EPHA5: variants seen among roughly 807,000 people sequenced by gnomAD.
EPHA5 encodes the protein EPH receptor A5.
A neutral mutation model predicts 105.0 loss-of-function variants in EPHA5; 60 were observed. The observed-to-expected ratio is 0.57, with a 90% CI of 0.46 to 0.71. The LOEUF (loss-of-function observed/expected upper bound fraction) is 0.71. Ranked by LOEUF, EPHA5 falls within the 30% of genes least tolerant of loss-of-function variation. The probability of loss-of-function intolerance (pLI) is 0.00; values close to 1 mark genes in which losing one functional copy is unlikely to be tolerated. For synonymous variants in EPHA5, 513 were observed against 449.1 expected, an observed-to-expected ratio of 1.14 and a Z score of -1.80; for missense variants, 1,218 against 1,274.7, an observed-to-expected ratio of 0.96 and a Z score of 0.68.
At chr4:65,618,958 C>T (rs1248261902) in intron 2 of EPHA5, among the ~76,000 whole-genome samples, 2 of 152,078 alleles carry the variant, frequency 1.3e-5, no homozygotes, top group Non-Finnish European at 2.9e-5. Flanking sequence ...AGTTTGAGAC[C>T]AGCCTGGCCA....
At chr4:65,539,340 G>T (rs1736599769) in intron 3 of EPHA5, among the ~76,000 whole-genome samples, 1 of 148,708 alleles carries the variant, frequency 6.7e-6, no homozygotes, top group South Asian at 2.2e-4. Flanking sequence ...AGGAGGAAGA[G>T]AAAAAGAAGT....
intron 1 of EPHA5, among the ~76,000 whole-genome samples, chr4:65,663,540 T>C (rs184865652): frequency 1.1e-3 from 168 of 152,160 alleles, no homozygotes; most frequent in African/African-American, 3.7e-3. Flanking sequence ...TTCTTATGTA[T>C]CTTATAGCAC....
chr4:65,377,101 ATCCCAC>A (rs775206753), intron 8 of EPHA5: 1 of 1,586,446 alleles, frequency 6.3e-7, no homozygotes, highest in South Asian at 1.1e-5. Flanking sequence ...TAAGGAAGAG[ATCCCAC>A]TCCCTCAAAT....
At chr4:65,600,031 T>C (rs968687094) in intron 3 of EPHA5, among the ~76,000 whole-genome samples, 15 of 152,174 alleles carry the variant, frequency 9.9e-5, no homozygotes, top group Non-Finnish European at 1.6e-4. Flanking sequence ...TCTAAAATGA[T>C]AGAAACAAAC....
intron 13 of EPHA5, among the ~76,000 whole-genome samples, chr4:65,348,799 A>G (rs373629307): frequency 2.2e-3 from 104 of 47,784 alleles, no homozygotes; most frequent in Non-Finnish European, 3.5e-3. Context: ...GTGTGTATAT[A>G]TATATATATA....
chr4:65,373,005 T>C (rs1175482108), intron 8 of EPHA5, among the ~76,000 whole-genome samples: 1 of 151,908 alleles, frequency 6.6e-6, no homozygotes, highest in Non-Finnish European at 1.5e-5. Flanking sequence ...TTGACAGAAT[T>C]TTGATATAAC....
intron 14 of EPHA5, among the ~76,000 whole-genome samples, chr4:65,343,006 A>G (rs1721879789): frequency 6.6e-6 from 1 of 152,104 alleles, no homozygotes; most frequent in African/African-American, 2.4e-5. Flanking sequence ...AATCCTTCCA[A>G]TATAAGAAGA....
At chr4:65,554,496 T>C (rs779611540) in intron 3 of EPHA5, among the ~76,000 whole-genome samples, 1 of 151,182 alleles carries the variant, frequency 6.6e-6, no homozygotes, top group Admixed American at 6.6e-5. Context: ...AAGACAGTAA[T>C]TGACTAAAAT....
intron 3 of EPHA5, among the ~76,000 whole-genome samples, chr4:65,574,679 CATATATATACATATATATACATATATAT>C (rs1740661498): frequency 2.1e-4 from 13 of 61,098 alleles, no homozygotes; most frequent in South Asian, 5.5e-4. Flanking sequence ...CATATATATA[CATATATATACATATATATACATATATAT>C]ACATATATAT....
At chr4:65,513,537 C>T (rs1733826299) in intron 3 of EPHA5, among the ~76,000 whole-genome samples, 1 of 152,082 alleles carries the variant, frequency 6.6e-6, no homozygotes, top group Admixed American at 6.6e-5. Flanking sequence ...TAGTCACGTG[C>T]CACCACGCCC....
Position 65,323,612 on chromosome 4 carries a change from A to G in EPHA5, c.*502T>C, listed in dbSNP as rs1719809488. 4.3e-6 allele frequency: 1 copy of G among 230,186 alleles called. No individual in the cohort carries two copies. Among genetic ancestry groups the G allele is most frequent in the Non-Finnish European group, 8.6e-6 (1 of 116,166 alleles). 14.3% of individuals were successfully genotyped at this position (230,186 alleles called of 1,614,324 possible). A position where few individuals can be genotyped will look rare whatever the true frequency, so the allele number is the denominator to read the frequency against. ...AACAGCATTTTAAAATTACAAAAGA[A>G]GATATCTATTAAGAAATAATCTAAT... On this transcript the variant is annotated 3_prime_UTR_variant, in exon 17 of 17. Coordinates refer to ENST00000613740, the MANE Select transcript of EPHA5 (RefSeq NM_001281766.3).
intron 8 of EPHA5, among the ~76,000 whole-genome samples, chr4:65,399,194 T>C (rs575692749): frequency 2.6e-5 from 4 of 152,212 alleles, no homozygotes; most frequent in African/African-American, 9.6e-5. Context: ...GTGCCCACAG[T>C]GAAAGCTACT....
At chr4:65,366,275 CAT>C (rs1478961424) in intron 9 of EPHA5, among the ~76,000 whole-genome samples, 1 of 151,708 alleles carries the variant, frequency 6.6e-6, no homozygotes, top group Non-Finnish European at 1.5e-5. Context: ...TATGTGATGA[CAT>C]ATCTGAGAAA....
At chr4:65,498,742 G>A (rs1732188866) in intron 3 of EPHA5, among the ~76,000 whole-genome samples, 1 of 151,702 alleles carries the variant, frequency 6.6e-6, no homozygotes, top group Non-Finnish European at 1.5e-5. Context: ...GAAATGTGTT[G>A]GAGAAGATAA....
At chr4:65,635,019 C>T (rs1452973369) in intron 2 of EPHA5, among the ~76,000 whole-genome samples, 1 of 151,916 alleles carries the variant, frequency 6.6e-6, no homozygotes, top group African/African-American at 2.4e-5. Context: ...AATCTGAGTA[C>T]CAGAATGGAA....
chr4:65,501,599 C>G (rs1373419580), intron 3 of EPHA5, among the ~76,000 whole-genome samples: 1 of 151,368 alleles, frequency 6.6e-6, no homozygotes, highest in Non-Finnish European at 1.5e-5. Flanking sequence ...TGAAAGAAAT[C>G]GTAGGTGACA....
intron 5 of EPHA5, among the ~76,000 whole-genome samples, chr4:65,436,571 A>T (rs549328837): frequency 6.6e-6 from 1 of 152,028 alleles, no homozygotes; most frequent in African/African-American, 2.4e-5. Context: ...TTGGTACCAC[A>T]TGCACATGAA....
chr4:65,632,271 T>C (rs964795959), intron 2 of EPHA5, among the ~76,000 whole-genome samples: 4 of 152,072 alleles, frequency 2.6e-5, no homozygotes, highest in African/African-American at 7.2e-5. Context: ...TCAAACTCAA[T>C]GGAGGAGTAG....
At chr4:65,421,570 G>A (rs962305005) in intron 5 of EPHA5, among the ~76,000 whole-genome samples, 5 of 152,010 alleles carry the variant, frequency 3.3e-5, no homozygotes, top group Admixed American at 6.6e-5. Context: ...AGTAAAAATC[G>A]CAGAGAAAGA....
Sources: gnomAD v4.1 joint callset for allele counts (sites outside exome capture counted in the v4.1 genomes callset) on GRCh38, gnomAD v4.1.1 for gene constraint, MANE v1.5 for transcripts, NCBI Gene and HGNC (gene_info 2026-07-23, HGNC 2026-07-21) for gene names.